Variants in DPP10 observed in about 807,000 individuals in gnomAD.
DPP10 encodes dipeptidyl peptidase like 10.
In DPP10, 33 loss-of-function variants were observed where a neutral mutation model predicts 120.9. The ratio of observed to expected loss-of-function variants is 0.27; its 90% CI spans 0.21 to 0.37. The LOEUF is 0.37. Ranked by LOEUF, DPP10 falls within the 10% of genes least tolerant of loss-of-function variation. DPP10 has a pLI of 1.00. For missense variants in DPP10, 816 were observed against 942.8 expected (o/e 0.87, Z 1.76); for synonymous variants, 337 against 326.1 (o/e 1.03, Z -0.36).
intron 24 of DPP10, 117 bp downstream of exon 24, chr2:115,836,863 C>A: frequency 1.2e-6 from 1 of 850,490 alleles, no homozygotes; most frequent in South Asian, 2.0e-5. Flanking sequence ...AGCAGAGAGT[C>A]ACACAAAGAA....
At chr2:114,539,743 A>G (rs577474952) in intron 1 of DPP10, among the ~76,000 whole-genome samples, 1 of 152,316 alleles carries the variant, frequency 6.6e-6, no homozygotes, top group East Asian at 1.9e-4. Flanking sequence ...ATTTGTTTAT[A>G]TTAATTAACA....
chr2:114,446,236 G>C (rs976950573), intron 1 of DPP10, among the ~76,000 whole-genome samples: 3 of 152,136 alleles, frequency 2.0e-5, no homozygotes, highest in African/African-American at 7.2e-5. Flanking sequence ...TCTGATCTTG[G>C]TTTACTTCTT....
intron 1 of DPP10, among the ~76,000 whole-genome samples, chr2:115,262,310 T>C (rs2105758110): frequency 6.6e-6 from 1 of 152,192 alleles, no homozygotes; most frequent in African/African-American, 2.4e-5. Flanking sequence ...TAAAGACTTC[T>C]ATCTCTATAT....
intron 1 of DPP10, among the ~76,000 whole-genome samples, chr2:114,780,117 C>A (rs557804708): frequency 2.7e-5 from 4 of 149,852 alleles, no homozygotes; most frequent in African/African-American, 9.8e-5. Flanking sequence ...GCCTGGGTGA[C>A]AAAGCGAGAC....
At chr2:114,649,874 T>A (rs1696445544) in intron 1 of DPP10, among the ~76,000 whole-genome samples, 1 of 152,160 alleles carries the variant, frequency 6.6e-6, no homozygotes, top group Non-Finnish European at 1.5e-5. Context: ...TATATCTGAA[T>A]CTGTTTCTGG....
At chr2:115,697,723 C>T (rs543482979) in intron 7 of DPP10, among the ~76,000 whole-genome samples, 7 of 152,198 alleles carry the variant, frequency 4.6e-5, no homozygotes, top group African/African-American at 1.2e-4. Context: ...CAGTGGCTGA[C>T]GCCTGTAATC....
At chr2:114,564,542 C>T (rs1689055700) in intron 1 of DPP10, among the ~76,000 whole-genome samples, 1 of 152,042 alleles carries the variant, frequency 6.6e-6, no homozygotes, top group African/African-American at 2.4e-5. Context: ...AGATCACAGG[C>T]CTTCATAAAA....
chr2:115,330,844 T>TAA (rs1406918852), intron 2 of DPP10, among the ~76,000 whole-genome samples: 2 of 152,210 alleles, frequency 1.3e-5, no homozygotes, highest in Non-Finnish European at 2.9e-5. Context: ...TAGTATAGTT[T>TAA]GAAGTCTGGT....
chr2:115,753,025 T>C (rs1678946238), intron 10 of DPP10, 149 bp from the exon 11 acceptor site: 1 of 533,110 alleles, frequency 1.9e-6, no homozygotes, highest in Admixed American at 4.0e-5. Flanking sequence ...AGATATCTAT[T>C]TATCTATCTA....
chr2:115,507,032 GCGCACACACA>G (rs2076983427), intron 4 of DPP10, among the ~76,000 whole-genome samples: 1 of 148,732 alleles, frequency 6.7e-6, no homozygotes, highest in Non-Finnish European at 1.5e-5. Context: ...ACACACGCAC[GCGCACACACA>G]CACACACACA....
rs1689134454 is a variant in DPP10, at chr2:114,565,608, A to C, written c.60+122770A>C. 2.0e-5 allele frequency among the ~76,000 whole-genome samples: 3 copies of C among 152,226 alleles called. No homozygotes were observed. The South Asian group carries it at 6.2e-4, about 32-fold the overall frequency. On this transcript the variant is annotated intron_variant, in intron 1 of 25. Transcript: ENST00000410059. ...CTTGGAGGAGTGAAAACAGACATGG[A>C]AACTGGGGTGAGGCACACAGCGCAG...
chr2:114,613,330 T>C (rs1193947895), intron 1 of DPP10, among the ~76,000 whole-genome samples: 4 of 152,146 alleles, frequency 2.6e-5, no homozygotes, highest in South Asian at 4.1e-4. Context: ...CCACATCTTT[T>C]AGAAGAAGAA....
chr2:115,027,667 C>T (rs780283584), intron 1 of DPP10, among the ~76,000 whole-genome samples: 3 of 152,012 alleles, frequency 2.0e-5, no homozygotes, highest in South Asian at 2.1e-4. Flanking sequence ...AGAAGTATTC[C>T]GTCATCTTCA....
intron 5 of DPP10, among the ~76,000 whole-genome samples, chr2:115,586,409 A>G (rs1012962191): frequency 2.0e-5 from 3 of 152,210 alleles, no homozygotes; most frequent in African/African-American, 7.2e-5. Context: ...ATGATAAAAT[A>G]CCATTGTCAT....
At chr2:115,612,019 C>G (rs1292527500) in intron 5 of DPP10, among the ~76,000 whole-genome samples, 1 of 152,022 alleles carries the variant, frequency 6.6e-6, no homozygotes, top group Non-Finnish European at 1.5e-5. Context: ...TATAACTATT[C>G]CAAATACATT....
chr2:114,778,674 C>G (rs1038083111), intron 1 of DPP10, among the ~76,000 whole-genome samples: 4 of 151,882 alleles, frequency 2.6e-5, no homozygotes, highest in Non-Finnish European at 5.9e-5. Context: ...GTACATGAAC[C>G]AGGCCTGGAA....
chr2:115,706,604 C>G (rs1264918048), intron 7 of DPP10, among the ~76,000 whole-genome samples: 1 of 151,956 alleles, frequency 6.6e-6, no homozygotes, highest in Non-Finnish European at 1.5e-5. Context: ...ATCATTGCAA[C>G]TAAGCGCTTA....
chr2:114,928,747 C>A (rs897626508), intron 1 of DPP10, among the ~76,000 whole-genome samples: 4 of 152,126 alleles, frequency 2.6e-5, no homozygotes, highest in Non-Finnish European at 5.9e-5. Context: ...CACACATTCC[C>A]ATACATCTTC....
chr2:115,068,410 TA>T, intron 1 of DPP10, among the ~76,000 whole-genome samples: 1 of 152,330 alleles, frequency 6.6e-6, no homozygotes, highest in Middle Eastern at 3.4e-3. Context: ...GCCCATTTTT[TA>T]ATTAGGTTAT....
Sources: allele counts gnomAD v4.1 joint callset (sites outside exome capture counted in the v4.1 genomes callset), GRCh38; gene constraint gnomAD v4.1.1; transcripts MANE v1.5; gene names NCBI Gene and HGNC (gene_info 2026-07-23, HGNC 2026-07-21).